The following GFPT2 variants were observed in gnomAD, a reference collection of about 807,000 sequenced individuals.
The protein encoded by GFPT2 is glutamine--fructose-6-phosphate aminotransferase [isomerizing] 2.
GFPT2 carries 62 observed loss-of-function variants against 85.6 expected under a neutral mutation model. That is an observed-to-expected ratio of 0.72 (90% CI 0.59 to 0.90). The LOEUF (loss-of-function observed/expected upper bound fraction) is 0.90, where lower values mean the gene tolerates loss of function less well. GFPT2 is among the 40% of genes least tolerant of loss of function. The probability of loss-of-function intolerance (pLI) is 0.00; values close to 1 mark genes in which losing one functional copy is unlikely to be tolerated. For missense variants in GFPT2, 788 were observed against 893.4 expected (o/e 0.88, Z 1.50); for synonymous variants, 368 against 344.5 (o/e 1.07, Z -0.75).
chr5:180,345,512 G>T (rs568032499), intron 1 of GFPT2, among the ~76,000 whole-genome samples: 228 of 152,392 alleles, frequency 1.5e-3, no homozygotes, highest in Non-Finnish European at 2.0e-3. Flanking sequence ...CTTCGCAAAG[G>T]CGCCTCTGAC....
chr5:180,304,900 G>T lies in GFPT2; in HGVS notation c.1714C>A (p.Leu572Met). 1 of 1,613,356 alleles carries T rather than the reference G, an allele frequency of 6.2e-7. No homozygotes were observed. Among genetic ancestry groups the T allele is most frequent in the Middle Eastern group, 1.7e-4 (1 of 6,056 alleles). ...EITYMHSEGILAGELKHGPLA... is the reference protein window; with the variant it reads ...EITYMHSEGIMAGELKHGPLA... Reference sequence around the variant, plus strand: ...GGCCCGTGCTTCAGCTCCCCAGCCAGGATGCCTTCTGAGTGCATGTAGGTT... The same window carrying T: ...GGCCCGTGCTTCAGCTCCCCAGCCATGATGCCTTCTGAGTGCATGTAGGTT... The change falls in exon 17 of 19, where the codon CTG becomes ATG. Residue 572 changes from leucine (L) to methionine (M), a missense_variant. By Grantham distance (15) the Leu-to-Met change is conservative. Coordinates refer to ENST00000253778, the MANE Select transcript of GFPT2 (RefSeq NM_005110.4).
chr5:180,307,716 C>T (rs754854252), intron 15 of GFPT2, among the ~76,000 whole-genome samples: 1 of 152,240 alleles, frequency 6.6e-6, no homozygotes, highest in Non-Finnish European at 1.5e-5. Context: ...GGTCTCAGGA[C>T]TCCTTTACAC....
chr5:180,334,081 T>C (rs1284601495), intron 4 of GFPT2, among the ~76,000 whole-genome samples: 2 of 152,244 alleles, frequency 1.3e-5, no homozygotes, highest in East Asian at 3.8e-4. Flanking sequence ...CCATGGGGTC[T>C]GCTGTCCTCC....
intron 1 of GFPT2, among the ~76,000 whole-genome samples, chr5:180,351,237 C>A (rs2127659414): frequency 6.6e-6 from 1 of 152,356 alleles, no homozygotes; most frequent in South Asian, 2.1e-4. Context: ...TAGCCAGCTG[C>A]TGCTGCCTGC....
At chr5:180,339,117 T>C (rs1378863566) in intron 1 of GFPT2, among the ~76,000 whole-genome samples, 3 of 152,026 alleles carry the variant, frequency 2.0e-5, no homozygotes, top group African/African-American at 7.2e-5. Flanking sequence ...CGGTGGCTCA[T>C]GCCTGTAATC....
At chr5:180,341,360 A>G (rs996239593) in intron 1 of GFPT2, among the ~76,000 whole-genome samples, 2 of 152,224 alleles carry the variant, frequency 1.3e-5, no homozygotes, top group Non-Finnish European at 2.9e-5. Flanking sequence ...ACCACCTGGA[A>G]TATCTCTGGT....
At chr5:180,343,359 CAT>C (rs1764555731) in intron 1 of GFPT2, among the ~76,000 whole-genome samples, 1 of 152,222 alleles carries the variant, frequency 6.6e-6, no homozygotes, top group South Asian at 2.1e-4. Context: ...GCAGCGGGGG[CAT>C]AAGGGGTCCT....
At position 180,318,919 on chromosome 5, in the gene GFPT2, C is replaced by T; in HGVS notation, c.832G>A (p.Glu278Lys). ...GCCACTGCGGCGATGTCATCGTCCT[C>T]CAGGAAGATGACCCGGTTGGTGTGC... ...IEHTNRVIFL[E>K]DDDIAAVADG... is the part of the protein sequence containing the mutation. Residue 278 changes from glutamate (E) to lysine (K), a missense_variant, in exon 10 of 19, where the codon GAG becomes AAG. Transcript: ENST00000253778. The surrounding 1 kb of genome is among the most constrained non-coding windows in gnomAD (Gnocchi z 4.2). 6.2e-7 allele frequency: 1 copy of T among 1,613,502 alleles called. No individual in the cohort carries two copies. The highest frequency in any genetic ancestry group is 8.5e-7 in the Non-Finnish European group (1 of 1,179,960).
chr5:180,314,180 C>G (rs1203179342), intron 13 of GFPT2, among the ~76,000 whole-genome samples: 1 of 152,166 alleles, frequency 6.6e-6, no homozygotes, highest in Non-Finnish European at 1.5e-5. Flanking sequence ...TCATTTAAAT[C>G]TCGTGACAAC....
Position 180,328,993 on chromosome 5 carries a change from G to A in GFPT2, c.535-655C>T, listed in dbSNP as rs1191079370. ...CCTCTGGGCCTCAGCTGGTTGGTTT[G>A]TGCAAAGCCAGAACTAGAATCCAGC... On this transcript the variant is annotated intron_variant, in intron 6 of 18. Transcript: ENST00000253778. The surrounding 1 kb of genome is among the most constrained non-coding windows in gnomAD (Gnocchi z 5.4). 6.6e-6 allele frequency among the ~76,000 whole-genome samples: 1 copy of A among 152,212 alleles called. No individual in the cohort carries two copies. The highest frequency in any genetic ancestry group is 1.5e-5 in the Non-Finnish European group (1 of 68,038).
At chr5:180,347,609 G>A (rs1219515893) in intron 1 of GFPT2, among the ~76,000 whole-genome samples, 3 of 152,092 alleles carry the variant, frequency 2.0e-5, no homozygotes, top group Admixed American at 1.3e-4. Flanking sequence ...CACAAGGCCC[G>A]AGAGATCACA....
intron 1 of GFPT2, among the ~76,000 whole-genome samples, chr5:180,349,415 A>C (rs1764668306): frequency 6.6e-6 from 1 of 152,210 alleles, no homozygotes; most frequent in South Asian, 2.1e-4. Flanking sequence ...TTTATAAGCT[A>C]ATTTTGCTAG....
intron 13 of GFPT2, among the ~76,000 whole-genome samples, chr5:180,315,954 C>T (rs955352895): frequency 3.9e-5 from 6 of 152,332 alleles, no homozygotes; most frequent in African/African-American, 1.4e-4. Context: ...GGGTCCTCCA[C>T]GTGACTCTCA....
chr5:180,326,771 C>T (rs1012527504), intron 7 of GFPT2, among the ~76,000 whole-genome samples: 1 of 152,188 alleles, frequency 6.6e-6, no homozygotes, highest in East Asian at 1.9e-4. Flanking sequence ...AGGTTGAGCT[C>T]TGTGGTTTCT....
intron 1 of GFPT2, among the ~76,000 whole-genome samples, chr5:180,351,212 C>T (rs564440448): frequency 3.3e-5 from 5 of 152,264 alleles, no homozygotes; most frequent in Non-Finnish European, 5.9e-5. Flanking sequence ...CCAAACAGAC[C>T]AATGTATTCA....
chr5:180,307,068 T>C, intron 16 of GFPT2, 108 bp downstream of exon 16: 1 of 886,414 alleles, frequency 1.1e-6, no homozygotes, highest in Admixed American at 2.3e-5. Flanking sequence ...AAGGGGTCCT[T>C]AGGCCCGGCC....
At chr5:180,335,777 CA>C in intron 4 of GFPT2, 50 bp downstream of exon 4, 1 of 1,569,572 alleles carries the variant, frequency 6.4e-7, no homozygotes, top group Non-Finnish European at 8.6e-7. Context: ...CTGGCCCTGA[CA>C]CAGCTCAGGG....
chr5:180,322,629 G>GCTAGTACT (rs1231961024), intron 9 of GFPT2, among the ~76,000 whole-genome samples: 1 of 152,184 alleles, frequency 6.6e-6, no homozygotes, highest in African/African-American at 2.4e-5. Flanking sequence ...ACTCCCAGCT[G>GCTAGTACT]CTAGTACTAT....
In GFPT2 at chr5:180,328,860, C is replaced by T. The variant is rs767476932; in HGVS notation, c.535-522G>A. Among the ~76,000 whole-genome samples, 14 of 152,202 alleles carry T rather than the reference C, an allele frequency of 9.2e-5. No homozygotes were observed. The highest frequency in any genetic ancestry group is 5.9e-4 in the Admixed American group (9 of 15,286). On this transcript the variant is annotated intron_variant, in intron 6 of 18. Coordinates refer to ENST00000253778, the MANE Select transcript of GFPT2 (RefSeq NM_005110.4). This position sits in a 1 kb window ranked among gnomAD's most constrained non-coding sequence, Gnocchi z 5.4. ...GCGCCACCTGGCGGGGCTTCCGTGA[C>T]GATGATAAGCTAATGCACTGAGCCT...
Sources: gnomAD v4.1 joint callset for allele counts (sites outside exome capture counted in the v4.1 genomes callset) on GRCh38, gnomAD v4.1.1 for gene constraint, Gnocchi (gnomAD v3.1) non-coding constraint, MANE v1.5 for transcripts, NCBI Gene and HGNC (gene_info 2026-07-23, HGNC 2026-07-21) for gene names.